Variants in H6PD observed in about 807,000 individuals in gnomAD.
H6PD encodes hexose-6-phosphate dehydrogenase/glucose 1-dehydrogenase.
Under a neutral mutation model 61.2 loss-of-function variants are expected in H6PD, and 48 were observed. That is an observed-to-expected ratio of 0.78 (90% CI 0.62 to 1.00). The LOEUF is 1.00. Ranked by LOEUF, H6PD falls within the 50% of genes least tolerant of loss-of-function variation. The pLI is 0.00. For missense variants in H6PD, 1,093 were observed against 1,065.0 expected (o/e 1.03, Z -0.37); for synonymous variants, 480 against 457.9 (o/e 1.05, Z -0.62).
rs1360963215 is a variant in H6PD at position 9,245,470 on chromosome 1, A to G, written c.536A>G (p.Asp179Gly). The change falls in exon 2 of 5, where the codon GAC becomes GGC. Residue 179 changes from aspartate to glycine, a missense_variant. By Grantham distance (94) the Asp-to-Gly change is moderately conservative. Transcript: ENST00000377403. The surrounding 1 kb of genome is among the most constrained non-coding windows in gnomAD (Gnocchi z 4.8). ...RVVLEKPFGH[D>G]HFSAQQLATE... Reference sequence around the variant, plus strand: ...GTCCTTGAGAAACCCTTTGGCCATGACCACTTCTCAGCCCAGCAGCTGGCC... The same window carrying G: ...GTCCTTGAGAAACCCTTTGGCCATGGCCACTTCTCAGCCCAGCAGCTGGCC... 1 of 1,613,974 alleles carries G rather than the reference A, an allele frequency of 6.2e-7. No individual in the cohort carries two copies. The highest frequency in any genetic ancestry group is 8.5e-7 in the Non-Finnish European group (1 of 1,180,008).
intron 3 of H6PD, among the ~76,000 whole-genome samples, chr1:9,258,621 CTGTTATGCCGGTGTTGTGCCAG>C (rs1182027068): frequency 6.6e-6 from 1 of 150,626 alleles, no homozygotes; most frequent in Admixed American, 6.6e-5. Context: ...TGTTATGTTG[CTGTTATGCCGGTGTTGTGCCAG>C]TGTTATGCCG....
intron 3 of H6PD, among the ~76,000 whole-genome samples, chr1:9,251,247 C>A (rs540668022): frequency 6.6e-6 from 1 of 152,166 alleles, no homozygotes; most frequent in African/African-American, 2.4e-5. Flanking sequence ...TGTCTGGGTC[C>A]GGCTGCCTTT....
intron 3 of H6PD, among the ~76,000 whole-genome samples, chr1:9,251,768 C>T (rs761847324): frequency 6.6e-6 from 1 of 152,174 alleles, no homozygotes; most frequent in Non-Finnish European, 1.5e-5. Flanking sequence ...GATCTCCTGT[C>T]CAGAGAGAGC....
At chr1:9,243,212 G>C (rs544307182) in intron 1 of H6PD, among the ~76,000 whole-genome samples, 1 of 152,160 alleles carries the variant, frequency 6.6e-6, no homozygotes, top group Non-Finnish European at 1.5e-5. Flanking sequence ...TGGGAGGAGG[G>C]GGTCTGACGT....
Position 9,246,978 on chromosome 1 carries a change from A to G in H6PD, c.640A>G (p.Ile214Val). 2 of 1,612,892 alleles carry G rather than the reference A, an allele frequency of 1.2e-6. No individual in the cohort carries two copies. The highest frequency in any genetic ancestry group is 1.7e-6 in the Non-Finnish European group (2 of 1,178,972). ...HYLGKQAVAQ[I>V]LPFRDQNRKA... ...CCCCCCCCGACAGGCTGTGGCGCAG[A>G]TCCTGCCTTTCCGAGACCAGAACCG... The change falls in exon 3 of 5, where the codon ATC (isoleucine) becomes GTC (valine). Residue 214 changes from isoleucine to valine, a missense_variant. Coordinates refer to ENST00000377403, the MANE Select transcript of H6PD (RefSeq NM_004285.4).
Position 9,245,309 on chromosome 1 carries a change from G to A in H6PD, c.375G>A (p.Glu125=), listed in dbSNP as rs1348248740. 6.2e-7 allele frequency: 1 copy of A among 1,614,104 alleles called. No homozygotes were observed. The highest frequency in any genetic ancestry group is 8.5e-7 in the Non-Finnish European group (1 of 1,180,052). ...EDYQALNKDI[E]AQLQHAGLRE... ...ATCAGGCCCTGAACAAGGACATCGA[G>A]GCACAGCTCCAGCACGCAGGCCTCC... The change falls in exon 2 of 5, where the codon GAG becomes GAA. Residue 125 remains glutamate, a synonymous_variant. Coordinates refer to ENST00000377403, the MANE Select transcript of H6PD (RefSeq NM_004285.4). This position sits in a 1 kb window ranked among gnomAD's most constrained non-coding sequence, Gnocchi z 4.8.
chr1:9,250,977 G>A (rs140886725), intron 3 of H6PD, among the ~76,000 whole-genome samples: 18 of 152,300 alleles, frequency 1.2e-4, no homozygotes, highest in African/African-American at 4.1e-4. Flanking sequence ...GGGTGGGGAG[G>A]AGGAAAGGAA....
Position 9,247,077 on chromosome 1 carries a change from G to A in H6PD, c.739G>A (p.Ala247Thr). 1 of 1,604,498 alleles carries A rather than the reference G, an allele frequency of 6.2e-7. No homozygotes were observed. The highest frequency in any genetic ancestry group is 8.5e-7 in the Non-Finnish European group (1 of 1,171,176). ...VEIIMKETVD[A>T]EGRTSFYEEY... ...GATCATCATGAAAGAGACCGTGGAT[G>A]CTGAAGGTGTGTGAGTGGCCCTGCG... is the stretch of plus-strand genomic sequence containing the variant. The change falls in exon 3 of 5, where the codon GCT (alanine) becomes ACT (threonine). Residue 247 changes from alanine to threonine, a missense_variant. By Grantham distance (58) the Ala-to-Thr change is moderately conservative. Transcript: ENST00000377403.
intron 3 of H6PD, among the ~76,000 whole-genome samples, chr1:9,248,858 C>G (rs1641268162): frequency 6.6e-6 from 1 of 152,236 alleles, no homozygotes; most frequent in African/African-American, 2.4e-5. Flanking sequence ...TCCTCCAGCC[C>G]TTCCAAATTT....
intron 4 of H6PD, 63 bp from the exon 5 acceptor site, chr1:9,263,446 A>G: frequency 5.2e-6 from 8 of 1,524,510 alleles, no homozygotes; most frequent in Non-Finnish European, 7.3e-6. Flanking sequence ...AGGAGAGGAG[A>G]GGGCTGGCCG....
chr1:9,263,840 C>T lies in H6PD; in HGVS notation c.1347C>T (p.Tyr449=), dbSNP rs914480831. 3.1e-6 allele frequency: 5 copies of T among 1,614,000 alleles called. No homozygotes were observed. The highest frequency in any genetic ancestry group is 1.1e-5 in the South Asian group (1 of 91,088). Residue 449 remains tyrosine, a synonymous_variant, in exon 5 of 5, where the codon TAC becomes TAT. Transcript: ENST00000377403. ...FGSPLSDYYA[Y]SPVRERDAHS... ...GCCCTCTGTCCGATTACTACGCCTACAGCCCTGTGCGGGAGCGGGACGCCC... is the reference window on the plus strand; with the variant it reads ...GCCCTCTGTCCGATTACTACGCCTATAGCCCTGTGCGGGAGCGGGACGCCC...
chr1:9,240,552 G>T (rs1311765685), intron 1 of H6PD, among the ~76,000 whole-genome samples: 1 of 152,192 alleles, frequency 6.6e-6, no homozygotes, highest in African/African-American at 2.4e-5. Context: ...ACTTGTTTAA[G>T]GTTATGTGGT....
chr1:9,262,228 G>A lies in H6PD; in HGVS notation c.915G>A (p.Arg305=), dbSNP rs1172698102. 1 of 1,613,774 alleles carries A rather than the reference G, an allele frequency of 6.2e-7. No homozygotes were observed. The highest frequency in any genetic ancestry group is 8.5e-7 in the Non-Finnish European group (1 of 1,179,798). Residue 305 remains arginine, a synonymous_variant, in exon 4 of 5, where the codon AGG becomes AGA. Coordinates refer to ENST00000377403, the MANE Select transcript of H6PD (RefSeq NM_004285.4). The stretch of plus-strand genomic sequence containing the variant: ...TCCAGGCGCTGCGGGGCCTGCAGAG[G>A]GGCAGTGCCGTCGTGGGCCAGTACC... ...QVFQALRGLQ[R]GSAVVGQYQS... is the part of the protein sequence containing the mutation.
At chr1:9,250,238 T>C (rs1212521299) in intron 3 of H6PD, among the ~76,000 whole-genome samples, 1 of 152,168 alleles carries the variant, frequency 6.6e-6, no homozygotes, top group Non-Finnish European at 1.5e-5. Flanking sequence ...CTACTGGAGC[T>C]TGGTGGACTT....
chr1:9,247,329 C>T (rs140314751), intron 3 of H6PD, among the ~76,000 whole-genome samples: 229 of 152,342 alleles, frequency 1.5e-3, no homozygotes, highest in Middle Eastern at 0.01. Context: ...CGGGAAACCA[C>T]TGGCACGCGG....
At chr1:9,251,004 C>T (rs1641344318) in intron 3 of H6PD, among the ~76,000 whole-genome samples, 1 of 152,210 alleles carries the variant, frequency 6.6e-6, no homozygotes. Flanking sequence ...ATCTGGTTCC[C>T]AGCTCCCTCT....
At chr1:9,237,652 C>T (rs567286094) in intron 1 of H6PD, among the ~76,000 whole-genome samples, 10 of 152,208 alleles carry the variant, frequency 6.6e-5, no homozygotes, top group Admixed American at 1.3e-4. Context: ...CATGTCACAC[C>T]GATAGCCTAG....
At position 9,268,951 on chromosome 1, in the gene H6PD, T is replaced by A. The variant is rs1053450746; in HGVS notation, c.*4082T>A. ...ACAAAACTTTTTGTCCTGTAAGATA[T>A]ATGCAGCCTCACAGAAGCAGCCTCT... On this transcript the variant is annotated 3_prime_UTR_variant, in exon 5 of 5. Coordinates refer to ENST00000377403, the MANE Select transcript of H6PD (RefSeq NM_004285.4). 1 of 152,158 alleles carries A rather than the reference T, an allele frequency of 6.6e-6. No homozygotes were observed. The highest frequency in any genetic ancestry group is 1.9e-4 in the East Asian group (1 of 5,194). 9.4% of individuals were successfully genotyped at this position (152,158 alleles called of 1,614,324 possible).
Position 9,245,127 on chromosome 1 carries a change from G to A in H6PD, c.193G>A (p.Ala65Thr). ...GGGTCACAGTTTTAGCTTCCATGGAGCTGCTCTGACAGCCCCCAAGCAGGG... is the reference window on the plus strand; with the variant it reads ...GGGTCACAGTTTTAGCTTCCATGGAACTGCTCTGACAGCCCCCAAGCAGGG... The part of the protein sequence containing the change: ...GRGHSFSFHG[A>T]ALTAPKQGQE... Residue 65 changes from alanine to threonine, a missense_variant, in exon 2 of 5, where the codon GCT (alanine) becomes ACT (threonine). Transcript: ENST00000377403. The surrounding 1 kb of genome is among the most constrained non-coding windows in gnomAD (Gnocchi z 4.8). 1.2e-6 allele frequency: 2 copies of A among 1,614,188 alleles called. No homozygotes were observed. Among genetic ancestry groups the A allele is most frequent in the Non-Finnish European group, 1.7e-6 (2 of 1,180,020 alleles).
Sources: allele counts gnomAD v4.1 joint callset (sites outside exome capture counted in the v4.1 genomes callset), GRCh38; gene constraint gnomAD v4.1.1; non-coding constraint Gnocchi (gnomAD v3.1); transcripts MANE v1.5; gene names NCBI Gene and HGNC (gene_info 2026-07-23, HGNC 2026-07-21).